The following BPIFC variants were observed in gnomAD, a reference collection of about 807,000 sequenced individuals.
BPIFC encodes the protein BPI fold containing family C.
A neutral mutation model predicts 57.6 loss-of-function variants in BPIFC; 60 were observed. The ratio of observed to expected loss-of-function variants is 1.04; its 90% CI spans 0.85 to 1.29. The LOEUF is 1.29. Ranked by LOEUF, BPIFC falls within the 50% of genes most tolerant of loss-of-function variation. The probability of loss-of-function intolerance (pLI) is 0.00; values close to 1 mark genes in which losing one functional copy is unlikely to be tolerated. For missense variants in BPIFC, 581 were observed against 600.5 expected (o/e 0.97, Z 0.34); for synonymous variants, 243 against 224.5 (o/e 1.08, Z -0.74).
intron 8 of BPIFC, among the ~76,000 whole-genome samples, chr22:32,439,621 A>C (rs1415677871): frequency 4.3e-5 from 5 of 115,318 alleles, no homozygotes; most frequent in Middle Eastern, 4.1e-3. Context: ...TTTATTTTTC[A>C]CTTTTTTTTT....
chr22:32,420,689 C>T (rs1323446235), intron 13 of BPIFC, among the ~76,000 whole-genome samples: 1 of 152,058 alleles, frequency 6.6e-6, no homozygotes, highest in East Asian at 1.9e-4. Flanking sequence ...TGTGTAGTTT[C>T]AAATAGCTAG....
At chr22:32,423,736 T>C (rs1204814035) in intron 13 of BPIFC, among the ~76,000 whole-genome samples, 1 of 151,776 alleles carries the variant, frequency 6.6e-6, no homozygotes, top group Non-Finnish European at 1.5e-5. Context: ...TCTGATTGCC[T>C]TGAGCTTTGC....
rs771357893 is a variant in BPIFC at position 32,457,373 on chromosome 22, G to A, written c.14C>T (p.Thr5Ile). Residue 5 changes from threonine (T) to isoleucine (I), a missense_variant, in exon 3 of 17, where the codon ACA becomes ATA. Physicochemically the swap from Thr to Ile is moderately conservative, Grantham distance 89. Coordinates refer to ENST00000300399, the MANE Select transcript of BPIFC (RefSeq NM_174932.3). Reference sequence around the variant, plus strand: ...GAAACATCCCCAGAGGACTGGGATTGTCTTTGTACACATCTGAAATTAACC... The same window carrying A: ...GAAACATCCCCAGAGGACTGGGATTATCTTTGTACACATCTGAAATTAACC... MCTK[T>I]IPVLWGCFLL... The A allele has an allele frequency of 3.7e-6, 6 of 1,609,904 alleles. No homozygotes were observed.
At position 32,464,363 on chromosome 22, in the gene BPIFC, A is replaced by G. The variant is rs910937626; in HGVS notation, c.-89+11T>C. 18 of 984,872 alleles carry G rather than the reference A, an allele frequency of 1.8e-5. No homozygotes were observed. The highest frequency in any genetic ancestry group is 1.8e-5 in the Non-Finnish European group (15 of 829,640). 61.0% of individuals were successfully genotyped at this position (984,872 alleles called of 1,614,324 possible). A position where few individuals can be genotyped will look rare whatever the true frequency, so the allele number is the denominator to read the frequency against. The stretch of plus-strand genomic sequence containing the variant: ...GCTGGCAGAGACCTGAAGTTTGTTC[A>G]TGAGTCTTACCTCAAGCAGAGGAAG... On this transcript the variant is annotated intron_variant, in intron 1 of 16. Transcript: ENST00000300399.
chr22:32,422,477 C>T (rs1203596018), intron 13 of BPIFC, among the ~76,000 whole-genome samples: 13 of 151,986 alleles, frequency 8.6e-5, no homozygotes, highest in Admixed American at 2.6e-4. Flanking sequence ...GAGGCTGAGA[C>T]GGGTGGATCA....
In BPIFC at chr22:32,464,360, T is replaced by C. The variant is rs1444308475; in HGVS notation, c.-89+14A>G. 1 of 984,582 alleles carries C rather than the reference T, an allele frequency of 1.0e-6. No individual in the cohort carries two copies. The highest frequency in any genetic ancestry group is 1.7e-5 in the African/African-American group (1 of 57,182). The allele number at this position is 984,582 out of a possible 1,614,324, so 61.0% of individuals were successfully genotyped here. A position where few individuals can be genotyped will look rare whatever the true frequency, so the allele number is the denominator to read the frequency against. ...ATGGCTGGCAGAGACCTGAAGTTTGTTCATGAGTCTTACCTCAAGCAGAGG... is the reference window on the plus strand; with the variant it reads ...ATGGCTGGCAGAGACCTGAAGTTTGCTCATGAGTCTTACCTCAAGCAGAGG... On this transcript the variant is annotated intron_variant, in intron 1 of 16. Coordinates refer to ENST00000300399, the MANE Select transcript of BPIFC (RefSeq NM_174932.3).
rs752889029 is a variant in BPIFC at position 32,414,471 on chromosome 22, T to G, written c.1402-46A>C. 1.9e-6 allele frequency: 3 copies of G among 1,599,344 alleles called. No individual in the cohort carries two copies. The African/African-American group carries it at 4.1e-5, about 22-fold the overall frequency. On this transcript the variant is annotated intron_variant, in intron 16 of 16. Transcript: ENST00000300399. ...AAGATAACGTCAAAACTTGGGCATG[T>G]CTGGGTTTGTCTGAGGCGTGAGGAA...
chr22:32,428,718 T>C (rs1315541689), intron 13 of BPIFC, among the ~76,000 whole-genome samples: 1 of 152,020 alleles, frequency 6.6e-6, no homozygotes, highest in Non-Finnish European at 1.5e-5. Context: ...GCCAACATGG[T>C]GAAACCCCAT....
At position 32,464,365 on chromosome 22, in the gene BPIFC, G is replaced by A. The variant is rs1935218152; in HGVS notation, c.-89+9C>T. The A allele has an allele frequency of 1.3e-5, 13 of 984,788 alleles. No individual in the cohort carries two copies. The South Asian group carries it at 5.6e-4, about 43-fold the overall frequency. The allele number at this position is 984,788 out of a possible 1,614,324, so 61.0% of individuals were successfully genotyped here. The stretch of plus-strand genomic sequence containing the variant: ...TGGCAGAGACCTGAAGTTTGTTCAT[G>A]AGTCTTACCTCAAGCAGAGGAAGTG... On this transcript the variant is annotated intron_variant, in intron 1 of 16. Coordinates refer to ENST00000300399, the MANE Select transcript of BPIFC (RefSeq NM_174932.3).
chr22:32,438,729 C>T (rs944792979), intron 8 of BPIFC, among the ~76,000 whole-genome samples: 2 of 152,050 alleles, frequency 1.3e-5, no homozygotes, highest in African/African-American at 2.4e-5. Context: ...TTAGTACAAA[C>T]ACAAAACTCA....
chr22:32,457,324 T>A lies in BPIFC; in HGVS notation c.63A>T (p.Ser21=). Residue 21 remains serine (S), a synonymous_variant, in exon 3 of 17, where the codon TCA becomes TCT. Transcript: ENST00000300399. The part of the protein sequence containing the change: ...GCFLLWNLYV[S]SSQTIYPGIK... Reference sequence around the variant, plus strand: ...TTCCAGGGTAAATGGTCTGAGAGGATGAGACATAGAGATTCCACAGGAGGA... The same window carrying A: ...TTCCAGGGTAAATGGTCTGAGAGGAAGAGACATAGAGATTCCACAGGAGGA... The A allele has an allele frequency of 6.2e-7, 1 of 1,610,762 alleles. No homozygotes were observed.
rs1051940782 is a variant in BPIFC, at chr22:32,420,317, CA to C, written c.1218-914del. On this transcript the variant is annotated intron_variant, in intron 13 of 16. Transcript: ENST00000300399. ...TGGGTGACAGAGCAAGACTCCGTCTCAAAAAAAAAAAAAAAAAATAGTTTTC... is the reference window on the plus strand; with the variant it reads ...TGGGTGACAGAGCAAGACTCCGTCTCAAAAAAAAAAAAAAAAATAGTTTTC... Among the ~76,000 whole-genome samples the C allele has an allele frequency of 3.2e-3, 273 of 85,376 alleles. 1 individual carries two copies. The highest frequency in any genetic ancestry group is 4.7e-3 in the African/African-American group (95 of 20,082). The allele number at this position is 85,376 out of a possible 152,430, so 56.0% of individuals were successfully genotyped here. A position where few individuals can be genotyped will look rare whatever the true frequency, so the allele number is the denominator to read the frequency against.
chr22:32,415,961 T>C lies in BPIFC; in HGVS notation c.1355A>G (p.Asn452Ser). The C allele has an allele frequency of 6.3e-7, 1 of 1,594,500 alleles. No homozygotes were observed. Among genetic ancestry groups the C allele is most frequent in the Non-Finnish European group, 8.5e-7 (1 of 1,172,822 alleles). ...ATTGACGAATAAGAATTTGTGTGGA[T>C]TGGACAGAGGAAATCCTTGCTGCAA... is the stretch of plus-strand genomic sequence containing the variant. ...AKLQQGFPLS[N>S]PHKFLFVNSD... Residue 452 changes from asparagine (N) to serine (S), a missense_variant, in exon 16 of 17, where the codon AAT becomes AGT. Physicochemically the swap from Asn to Ser is conservative, Grantham distance 46. Transcript: ENST00000300399.
intron 4 of BPIFC, among the ~76,000 whole-genome samples, chr22:32,447,763 A>T (rs1934771183): frequency 6.6e-6 from 1 of 151,678 alleles, no homozygotes; most frequent in Non-Finnish European, 1.5e-5. Context: ...GTGCCATCAC[A>T]CTTGGCTAAT....
At chr22:32,441,877 G>T (rs1017050049) in intron 8 of BPIFC, among the ~76,000 whole-genome samples, 3 of 152,198 alleles carry the variant, frequency 2.0e-5, no homozygotes, top group African/African-American at 7.2e-5. Flanking sequence ...TTTCACCTCA[G>T]ATCATCAGGC....
chr22:32,453,766 AAC>A (rs1203242643), intron 3 of BPIFC, among the ~76,000 whole-genome samples: 1 of 152,184 alleles, frequency 6.6e-6, no homozygotes, highest in Non-Finnish European at 1.5e-5. Context: ...TTTATCACAG[AAC>A]AGTGTGAGAA....
At chr22:32,448,320 G>A (rs534288791) in intron 4 of BPIFC, among the ~76,000 whole-genome samples, 20 of 152,072 alleles carry the variant, frequency 1.3e-4, no homozygotes, top group African/African-American at 3.1e-4. Context: ...TGATCTGCCC[G>A]CCTCGGCCTC....
chr22:32,417,183 A>T (rs749436477), intron 14 of BPIFC, 35 bp from the exon 15 acceptor site: 54 of 1,256,438 alleles, frequency 4.3e-5, no homozygotes, highest in Middle Eastern at 2.0e-4. Context: ...CAATTGGCAG[A>T]TCGGGCTTTT....
chr22:32,419,059 A>G (rs1933762036), intron 14 of BPIFC, among the ~76,000 whole-genome samples: 1 of 152,108 alleles, frequency 6.6e-6, no homozygotes, highest in African/African-American at 2.4e-5. Context: ...GGATTATTTT[A>G]TTGAGAAAAC....
Sources: gnomAD v4.1 joint callset for allele counts (sites outside exome capture counted in the v4.1 genomes callset) on GRCh38, gnomAD v4.1.1 for gene constraint, MANE v1.5 for transcripts, NCBI Gene and HGNC (gene_info 2026-07-23, HGNC 2026-07-21) for gene names.